GPSM2: variants seen among roughly 807,000 people sequenced by gnomAD.
GPSM2 encodes G protein signaling modulator 2, also known as G protein-signaling modulator 2.
Under a neutral mutation model 78.4 loss-of-function variants are expected in GPSM2, and 58 were observed. That is an observed-to-expected ratio of 0.74 (90% confidence interval 0.60 to 0.92). GPSM2 has a LOEUF of 0.92. GPSM2 is among the 40% of genes least tolerant of loss of function. The probability of loss-of-function intolerance (pLI) is 0.00; values close to 1 mark genes in which losing one functional copy is unlikely to be tolerated. For synonymous variants in GPSM2, 224 were observed against 280.2 expected (o/e 0.80, Z 2.00); for missense variants, 700 against 815.5 (o/e 0.86, Z 1.73).
chr1:108,900,438 C>T (rs1648719632), intron 7 of GPSM2, among the ~76,000 whole-genome samples: 1 of 152,018 alleles, frequency 6.6e-6, no homozygotes, highest in Non-Finnish European at 1.5e-5. Flanking sequence ...GGGGTTTCGC[C>T]ATGTTGGCCA....
chr1:108,915,458 C>T (rs993431382), intron 11 of GPSM2, among the ~76,000 whole-genome samples: 6 of 148,894 alleles, frequency 4.0e-5, no homozygotes, highest in African/African-American at 7.4e-5. Flanking sequence ...GACGGAGTCT[C>T]GCTCTTTGGC....
Position 108,885,445 on chromosome 1 carries a change from A to C in GPSM2, c.-78A>C. On this transcript the variant is annotated 5_prime_UTR_variant, in exon 2 of 15. Coordinates refer to ENST00000264126, the MANE Select transcript of GPSM2 (RefSeq NM_013296.5). ...ATATACTAACCGGACAATGTTCTAC[A>C]AACAATTCTACATTGTAAAGGACTG... 1.2e-6 allele frequency: 1 copy of C among 831,910 alleles called. No individual in the cohort carries two copies. The highest frequency in any genetic ancestry group is 2.1e-6 in the Non-Finnish European group (1 of 485,806). The allele number at this position is 831,910 out of a possible 1,614,324, so 51.5% of individuals were successfully genotyped here.
chr1:108,928,749 G>A (rs1651376298), intron 14 of GPSM2, among the ~76,000 whole-genome samples: 1 of 152,170 alleles, frequency 6.6e-6, no homozygotes, highest in African/African-American at 2.4e-5. Flanking sequence ...AGCATTTTGG[G>A]AGGCCAAGGC....
At chr1:108,879,148 A>T (rs1176444123) in intron 1 of GPSM2, among the ~76,000 whole-genome samples, 1 of 152,162 alleles carries the variant, frequency 6.6e-6, no homozygotes, top group Non-Finnish European at 1.5e-5. Flanking sequence ...TATCTTCTTA[A>T]TCATCTTTAT....
At position 108,896,686 on chromosome 1, in the gene GPSM2, A is replaced by G. The variant is rs536644556; in HGVS notation, c.57-178A>G. ...AGGCTCAGAGAAATTCGAATAGGCA[A>G]ATTACCTCTTGCTACAAATAACTGC... On this transcript the variant is annotated intron_variant, in intron 2 of 14. Coordinates refer to ENST00000264126, the MANE Select transcript of GPSM2 (RefSeq NM_013296.5). 9.8e-5 allele frequency among the ~76,000 whole-genome samples: 15 copies of G among 152,320 alleles called. No homozygotes were observed. The East Asian group carries it at 2.1e-3, about 22-fold the overall frequency.
chr1:108,929,724 A>G lies in GPSM2; in HGVS notation c.1839A>G (p.Arg613=). ...KCQGSRLDDQ[R]CAPPPATTKG... ...AGGGATCCAGATTAGATGATCAAAG[A>G]TGTGCTCCACCACCTGCTACCACAA... Residue 613 remains arginine (R), a synonymous_variant, in exon 15 of 15, where the codon AGA becomes AGG. Coordinates refer to ENST00000264126, the MANE Select transcript of GPSM2 (RefSeq NM_013296.5). 1 of 1,613,216 alleles carries G rather than the reference A, an allele frequency of 6.2e-7. No individual in the cohort carries two copies. Among genetic ancestry groups the G allele is most frequent in the Non-Finnish European group, 8.5e-7 (1 of 1,179,238 alleles).
chr1:108,878,740 C>T (rs2101281689), intron 1 of GPSM2, among the ~76,000 whole-genome samples: 1 of 152,218 alleles, frequency 6.6e-6, no homozygotes, highest in Middle Eastern at 3.4e-3. Context: ...ACTGTTATTA[C>T]TACAGCACTA....
chr1:108,888,435 C>T (rs753694759), intron 2 of GPSM2, among the ~76,000 whole-genome samples: 1 of 152,140 alleles, frequency 6.6e-6, no homozygotes, highest in African/African-American at 2.4e-5. Flanking sequence ...GCAGCCTCAA[C>T]CTCTCAGGCT....
chr1:108,904,140 GGT>G lies in GPSM2; in HGVS notation c.1080_1081del (p.Glu361ThrfsTer6), dbSNP rs1353848256. 1.0e-5 allele frequency: 16 copies of G among 1,599,064 alleles called. No individual in the cohort carries two copies. Among genetic ancestry groups the G allele is most frequent in the Non-Finnish European group, 1.4e-5 (16 of 1,167,316 alleles). On this transcript the variant is annotated frameshift_variant, in exon 10 of 15. Coordinates refer to ENST00000264126, the MANE Select transcript of GPSM2 (RefSeq NM_013296.5). LOFTEE classifies it high-confidence loss of function. Reference sequence around the variant, plus strand: ...TGTGTTGTAGGTTGGGGATAAAAGTGGTGAACTAACAGCACGACTTAATCTCT... The same window carrying G: ...TGTGTTGTAGGTTGGGGATAAAAGTGGAACTAACAGCACGACTTAATCTCT... ...EISREVGDKS[G>X]ELTARLNLSD...
At position 108,924,082 on chromosome 1, in the gene GPSM2, C is replaced by G. The variant is rs372166167; in HGVS notation, c.1683C>G (p.Asp561Glu). 7 of 1,613,232 alleles carry G rather than the reference C, an allele frequency of 4.3e-6. No individual in the cohort carries two copies. Among genetic ancestry groups the G allele is most frequent in the Non-Finnish European group, 5.9e-6 (7 of 1,179,262 alleles). Residue 561 changes from aspartate to glutamate, a missense_variant, in exon 14 of 15, where the codon GAC (aspartate) becomes GAG (glutamate). Transcript: ENST00000264126. ...GCTCACAGAGTCGCCGTCTGGATGA[C>G]CAGAGGGCTAGTTTCAGTAATTTGC... ...LASSQSRRLD[D>E]QRASFSNLPG... is the part of the protein sequence containing the mutation.
At chr1:108,888,970 G>T (rs1218386434) in intron 2 of GPSM2, among the ~76,000 whole-genome samples, 1 of 152,118 alleles carries the variant, frequency 6.6e-6, no homozygotes, top group African/African-American at 2.4e-5. Flanking sequence ...AGAAACCTGG[G>T]AATTATATAC....
intron 2 of GPSM2, among the ~76,000 whole-genome samples, chr1:108,889,279 G>A (rs1647792018): frequency 6.6e-6 from 1 of 152,152 alleles, no homozygotes; most frequent in African/African-American, 2.4e-5. Flanking sequence ...TCCATTAACT[G>A]GAACGGGACC....
At chr1:108,903,474 T>C (rs910635790) in intron 9 of GPSM2, among the ~76,000 whole-genome samples, 2 of 151,494 alleles carry the variant, frequency 1.3e-5, no homozygotes, top group South Asian at 4.2e-4. Context: ...GGAAGGAGAG[T>C]ACTAAAATAT....
At position 108,888,197 on chromosome 1, in the gene GPSM2, G is replaced by A. The variant is rs185298161; in HGVS notation, c.56+2619G>A. Among the ~76,000 whole-genome samples, 198 of 151,060 alleles carry A rather than the reference G, an allele frequency of 1.3e-3. 1 individual carries two copies. In the Middle Eastern group the frequency reaches 0.014, roughly 11 times the overall value. Reference sequence around the variant, plus strand: ...CTCCTGAGTAGCTGGGACTACAGGCGTGTGCCACCATGCCCAGCTAACTTT... The same window carrying A: ...CTCCTGAGTAGCTGGGACTACAGGCATGTGCCACCATGCCCAGCTAACTTT... On this transcript the variant is annotated intron_variant, in intron 2 of 14. Transcript: ENST00000264126.
intron 10 of GPSM2, among the ~76,000 whole-genome samples, chr1:108,912,484 C>T (rs1011157928): frequency 6.6e-6 from 1 of 151,508 alleles, no homozygotes; most frequent in Non-Finnish European, 1.5e-5. Context: ...TGGCTCACAC[C>T]TGTAATCCCA....
intron 12 of GPSM2, among the ~76,000 whole-genome samples, chr1:108,921,451 C>T (rs901353129): frequency 2.0e-5 from 3 of 151,968 alleles, no homozygotes; most frequent in Non-Finnish European, 4.4e-5. Flanking sequence ...ATGTCTTAGC[C>T]TAGTACTTAC....
At chr1:108,910,185 A>G (rs1649621586) in intron 10 of GPSM2, among the ~76,000 whole-genome samples, 1 of 152,266 alleles carries the variant, frequency 6.6e-6, no homozygotes, top group Non-Finnish European at 1.5e-5. Flanking sequence ...TCTAGGAGAA[A>G]TGGGCAATTT....
At chr1:108,901,760 C>T in intron 7 of GPSM2, 30 bp from the exon 8 acceptor site, 2 of 1,557,508 alleles carry the variant, frequency 1.3e-6, no homozygotes, top group Non-Finnish European at 1.8e-6. Context: ...TGAGAATGAT[C>T]ATTATATAAG....
chr1:108,887,817 G>A (rs1256525726), intron 2 of GPSM2, among the ~76,000 whole-genome samples: 2 of 152,214 alleles, frequency 1.3e-5, no homozygotes, highest in Admixed American at 6.5e-5. Context: ...TGAAGGAATG[G>A]GTATTAAATA....
Sources: allele counts gnomAD v4.1 joint callset (sites outside exome capture counted in the v4.1 genomes callset), GRCh38; gene constraint gnomAD v4.1.1; transcripts MANE v1.5; gene names NCBI Gene and HGNC (gene_info 2026-07-23, HGNC 2026-07-21).